The following NBEAL1 variants were observed in gnomAD, a reference collection of about 807,000 sequenced individuals.
NBEAL1 encodes neurobeachin-like protein 1.
NBEAL1 carries 273 observed loss-of-function variants against 351.3 expected under a neutral mutation model. That is an observed-to-expected ratio of 0.78 (90% confidence interval 0.70 to 0.86). The LOEUF is 0.86. Ranked by LOEUF, NBEAL1 falls within the 40% of genes least tolerant of loss-of-function variation. NBEAL1 has a pLI of 0.00. For synonymous variants in NBEAL1, 1,050 were observed against 1,086.4 expected, an observed-to-expected ratio of 0.97 and a Z score of 0.66; for missense variants, 2,961 against 3,201.3, an observed-to-expected ratio of 0.92 and a Z score of 1.81.
chr2:203,110,092 A>G, intron 14 of NBEAL1, 58 bp from the exon 15 acceptor site: 1 of 1,460,218 alleles, frequency 6.8e-7, no homozygotes, highest in Non-Finnish European at 9.2e-7. Context: ...ATGTACTTTA[A>G]TGATGATGAA....
At chr2:203,115,162 T>A (rs2062662267) in intron 17 of NBEAL1, among the ~76,000 whole-genome samples, 1 of 148,896 alleles carries the variant, frequency 6.7e-6, no homozygotes, top group Non-Finnish European at 1.5e-5. Flanking sequence ...AGTTTTGCTC[T>A]TGTTGCCCAG....
intron 51 of NBEAL1, among the ~76,000 whole-genome samples, chr2:203,204,620 G>A (rs529489410): frequency 5.8e-4 from 88 of 152,148 alleles, no homozygotes; most frequent in African/African-American, 2.1e-3. Flanking sequence ...TATTTTTATA[G>A]TTATTTATTT....
chr2:203,179,164 A>G (rs575078686), intron 42 of NBEAL1, among the ~76,000 whole-genome samples: 31 of 152,342 alleles, frequency 2.0e-4, no homozygotes, highest in African/African-American at 6.7e-4. Context: ...TAAATACTTA[A>G]TAAATCCAGG....
chr2:203,075,949 G>T (rs2061763901), intron 7 of NBEAL1, among the ~76,000 whole-genome samples: 1 of 152,146 alleles, frequency 6.6e-6, no homozygotes, highest in Non-Finnish European at 1.5e-5. Flanking sequence ...TTCTATCCAG[G>T]TTACCTCAAA....
chr2:203,136,080 G>T lies in NBEAL1; in HGVS notation c.4217G>T (p.Gly1406Val), dbSNP rs1179082070. The T allele has an allele frequency of 6.2e-7, 1 of 1,613,918 alleles. No homozygotes were observed. Among genetic ancestry groups the T allele is most frequent in the African/African-American group, 1.3e-5 (1 of 74,910 alleles). ...NPSHLSLDLS[G>V]IDSCEMSDSG... ...TCACATTTGAGTTTAGACCTCAGTG[G>T]AATTGACTCATGTGAAATGAGTGAT... Residue 1406 changes from glycine to valine, a missense_variant, in exon 28 of 56, where the codon GGA becomes GTA. Coordinates refer to ENST00000683969, the MANE Select transcript of NBEAL1 (RefSeq NM_001378026.1).
At chr2:203,116,952 A>G (rs1380942938) in intron 18 of NBEAL1, among the ~76,000 whole-genome samples, 1 of 151,970 alleles carries the variant, frequency 6.6e-6, no homozygotes, top group Non-Finnish European at 1.5e-5. Flanking sequence ...AATACAAAAA[A>G]TTAGCCAGGC....
chr2:203,186,316 C>T (rs1205238250), intron 44 of NBEAL1, among the ~76,000 whole-genome samples: 1 of 152,212 alleles, frequency 6.6e-6, no homozygotes, highest in Non-Finnish European at 1.5e-5. Context: ...AGATGTGGCT[C>T]CTCTTGGATC....
intron 35 of NBEAL1, 104 bp from the exon 36 acceptor site, chr2:203,157,595 G>A (rs1013900760): frequency 5.8e-5 from 45 of 780,352 alleles, no homozygotes; most frequent in Non-Finnish European, 8.2e-5. Context: ...TATACATATT[G>A]TTATATCTAA....
At chr2:203,087,462 A>G (rs2061988906) in intron 10 of NBEAL1, among the ~76,000 whole-genome samples, 1 of 152,160 alleles carries the variant, frequency 6.6e-6, no homozygotes, top group Non-Finnish European at 1.5e-5. Context: ...TATCGTATCA[A>G]TCCTTTGCTT....
intron 24 of NBEAL1, among the ~76,000 whole-genome samples, chr2:203,130,071 G>A (rs2063038578): frequency 6.6e-6 from 1 of 152,142 alleles, no homozygotes; most frequent in African/African-American, 2.4e-5. Context: ...GCTGAGGTGG[G>A]AGAATCACTG....
intron 8 of NBEAL1, among the ~76,000 whole-genome samples, chr2:203,080,344 G>A (rs374533074): frequency 6.6e-6 from 1 of 151,988 alleles, no homozygotes; most frequent in Non-Finnish European, 1.5e-5. Context: ...CCCGGGAGGC[G>A]GAGCTTGCAG....
intron 6 of NBEAL1, among the ~76,000 whole-genome samples, chr2:203,066,341 C>G (rs1482480498): frequency 3.4e-5 from 4 of 116,432 alleles, no homozygotes; most frequent in Non-Finnish European, 7.0e-5. Flanking sequence ...TTTTTTTTTT[C>G]CATTTAAACC....
At chr2:203,037,196 A>C (rs1363273992) in intron 2 of NBEAL1, among the ~76,000 whole-genome samples, 1 of 149,472 alleles carries the variant, frequency 6.7e-6, no homozygotes, top group African/African-American at 2.4e-5. Flanking sequence ...TATTCTGGGA[A>C]CATTCTTTTA....
At chr2:203,084,817 T>G in intron 10 of NBEAL1, 1 of 292,668 alleles carries the variant, frequency 3.4e-6, no homozygotes, top group East Asian at 6.7e-5. Flanking sequence ...ATATATTATT[T>G]TCATTCTATC....
chr2:203,015,393 A>G (rs2060660888), intron 1 of NBEAL1, among the ~76,000 whole-genome samples: 1 of 152,046 alleles, frequency 6.6e-6, no homozygotes, highest in Non-Finnish European at 1.5e-5. Context: ...TTGTTAGAAC[A>G]AACGAACTGG....
At chr2:203,093,016 A>G (rs2062096229) in intron 10 of NBEAL1, among the ~76,000 whole-genome samples, 1 of 151,982 alleles carries the variant, frequency 6.6e-6, no homozygotes, top group Non-Finnish European at 1.5e-5. Flanking sequence ...GCGGATCACA[A>G]GGTTAGGAGA....
chr2:203,041,118 G>A (rs191466309), intron 2 of NBEAL1, among the ~76,000 whole-genome samples: 125 of 152,274 alleles, frequency 8.2e-4, no homozygotes, highest in Admixed American at 2.0e-3. Context: ...CTGCTGCCTC[G>A]TCAGAAATCA....
chr2:203,062,038 A>G lies in NBEAL1; in HGVS notation c.515+4585A>G. On this transcript the variant is annotated intron_variant, in intron 6 of 55. Transcript: ENST00000683969. This position sits in a 1 kb window ranked among gnomAD's most constrained non-coding sequence, Gnocchi z 4.2. ...AAATAGTTTGTGTCCAGAGTGAGATATAATATACCTGTGAAGAGATGCATG... is the reference window on the plus strand; with the variant it reads ...AAATAGTTTGTGTCCAGAGTGAGATGTAATATACCTGTGAAGAGATGCATG... 2.9e-6 allele frequency: 1 copy of G among 343,058 alleles called. No individual in the cohort carries two copies. The highest frequency in any genetic ancestry group is 5.6e-6 in the Non-Finnish European group (1 of 177,090). The allele number at this position is 343,058 out of a possible 1,614,324, so 21.3% of individuals were successfully genotyped here.
chr2:203,126,610 T>C lies in NBEAL1; in HGVS notation c.3039T>C (p.Ile1013=). 2 of 1,521,230 alleles carry C rather than the reference T, an allele frequency of 1.3e-6. No homozygotes were observed. Among genetic ancestry groups the C allele is most frequent in the Non-Finnish European group, 1.8e-6 (2 of 1,135,298 alleles). The allele number at this position is 1,521,230 out of a possible 1,614,324, so 94.2% of individuals were successfully genotyped here. The stretch of plus-strand genomic sequence containing the variant: ...TGTTGATGGCAGTTCAGTTACTAAT[T>C]GAACAAGTATCATTAGAGAAAAATA... ...VNVLMAVQLL[I]EQVSLEKNMQ... The change falls in exon 22 of 56, where the codon ATT becomes ATC. Residue 1013 remains isoleucine (I), a synonymous_variant. Transcript: ENST00000683969.
Sources: allele counts gnomAD v4.1 joint callset (sites outside exome capture counted in the v4.1 genomes callset), GRCh38; gene constraint gnomAD v4.1.1; non-coding constraint Gnocchi (gnomAD v3.1); transcripts MANE v1.5; gene names NCBI Gene and HGNC (gene_info 2026-07-23, HGNC 2026-07-21).